Variants in REPS2 observed in about 807,000 individuals in gnomAD.
REPS2 encodes the protein ralBP1-associated Eps domain-containing protein 2.
REPS2 carries 23 observed loss-of-function variants against 53.6 expected under a neutral mutation model. The ratio of observed to expected loss-of-function variants is 0.43; its 90% CI spans 0.31 to 0.61. The LOEUF is 0.61. Among genes scored for constraint, REPS2 ranks in the 20% least tolerant of loss-of-function variants. REPS2 has a pLI of 0.11. For synonymous variants in REPS2, 238 were observed against 218.6 expected (o/e 1.09, Z -0.78); for missense variants, 446 against 534.9 (o/e 0.83, Z 1.64).
chrX:17,044,948 A>C (rs1046109282), intron 5 of REPS2, among the ~76,000 whole-genome samples: 3 of 111,075 alleles, frequency 2.7e-5, no homozygotes, highest in African/African-American at 9.9e-5. Context: ...ATTTTTACTG[A>C]GACGGAGTTT....
At chrX:17,078,658 C>T (rs1321826838) in intron 13 of REPS2, among the ~76,000 whole-genome samples, 1 of 112,090 alleles carries the variant, frequency 8.9e-6, no homozygotes, top group Non-Finnish European at 1.9e-5. Context: ...AAAATTAAAA[C>T]AATCTGGGAA....
At chrX:17,130,713 G>T (rs1481571930) in intron 14 of REPS2, among the ~76,000 whole-genome samples, 3 of 62,247 alleles carry the variant, frequency 4.8e-5, no homozygotes, top group African/African-American at 6.3e-5. Context: ...TCTTGAATGA[G>T]TAACACTCAG....
chrX:17,069,830 A>G, intron 10 of REPS2, 110 bp from the exon 11 acceptor site: 1 of 400,568 alleles, frequency 2.5e-6, no homozygotes, highest in Non-Finnish European at 4.1e-6. Flanking sequence ...GTAAGTGATG[A>G]CTAGCGATTC....
At chrX:17,074,251 C>A in intron 12 of REPS2, 92 bp downstream of exon 12, 15 of 832,594 alleles carry the variant, frequency 1.8e-5, no homozygotes, top group Non-Finnish European at 2.7e-5. Flanking sequence ...CCCATGATTT[C>A]CTCTTCCTTT....
chrX:17,105,734 A>G (rs1342438680), intron 14 of REPS2, among the ~76,000 whole-genome samples: 5 of 111,649 alleles, frequency 4.5e-5, no homozygotes, highest in Admixed American at 2.9e-4. Context: ...TCCACATTCC[A>G]TTTCTCTCCC....
At chrX:17,136,049 C>T (rs2063361735) in intron 16 of REPS2, 1 of 112,205 alleles carries the variant, frequency 8.9e-6, no homozygotes, top group African/African-American at 3.2e-5. Flanking sequence ...GAAGAGCCAT[C>T]ACTTGCTTCA....
intron 1 of REPS2, among the ~76,000 whole-genome samples, chrX:16,998,909 G>C (rs766677234): frequency 1.8e-5 from 2 of 112,760 alleles, no homozygotes; most frequent in Non-Finnish European, 3.7e-5. Context: ...AAAATCTGGT[G>C]TGGATGTATC....
At chrX:17,030,169 T>A (rs887983732) in intron 5 of REPS2, among the ~76,000 whole-genome samples, 1 of 112,279 alleles carries the variant, frequency 8.9e-6, no homozygotes. Context: ...AGCTTCTGGC[T>A]ATACCACAGC....
chrX:17,082,164 A>G (rs1238523756), intron 13 of REPS2, among the ~76,000 whole-genome samples: 1 of 112,257 alleles, frequency 8.9e-6, no homozygotes, highest in African/African-American at 3.2e-5. Context: ...CCATGGTGAC[A>G]GTAAAAAGCC....
intron 1 of REPS2, among the ~76,000 whole-genome samples, chrX:16,968,637 G>A (rs1294462556): frequency 2.1e-4 from 21 of 102,149 alleles, no homozygotes; most frequent in African/African-American, 7.2e-4. Context: ...GCGGCTGGCC[G>A]GGCGGGGGGC....
At chrX:17,189,372 G>A in the REPS2 span, among the ~76,000 whole-genome samples, 6 of 107,178 alleles carry the variant, frequency 5.6e-5, no homozygotes, top group South Asian at 8.5e-4. Context: ...TGCAACCTCC[G>A]CCTCCCGGGT....
chrX:17,130,323 G>A (rs2063274997), intron 14 of REPS2, among the ~76,000 whole-genome samples: 1 of 111,683 alleles, frequency 9.0e-6, no homozygotes, highest in African/African-American at 3.3e-5. Flanking sequence ...CCTCACTCCT[G>A]CTTCTCCTGT....
At chrX:17,100,383 C>T (rs1021547557) in intron 13 of REPS2, 11 of 439,497 alleles carry the variant, frequency 2.5e-5, no homozygotes, top group South Asian at 4.4e-5. Flanking sequence ...ATCGGTGCTG[C>T]GCTATTGGCG....
chrX:17,194,296 T>A, the REPS2 span, among the ~76,000 whole-genome samples: 1 of 111,456 alleles, frequency 9.0e-6, no homozygotes. Flanking sequence ...TCTCAATATA[T>A]ATTACTGATC....
At chrX:17,047,703 G>A (rs2061927003) in intron 6 of REPS2, among the ~76,000 whole-genome samples, 1 of 112,692 alleles carries the variant, frequency 8.9e-6, no homozygotes, top group South Asian at 3.6e-4. Flanking sequence ...GAATTTGGGG[G>A]CAACTTGGCC....
chrX:17,043,063 C>T (rs1361451844), intron 5 of REPS2, among the ~76,000 whole-genome samples: 1 of 111,662 alleles, frequency 9.0e-6, no homozygotes, highest in Non-Finnish European at 1.9e-5. Context: ...TCCCAAAGTG[C>T]TGAGATTATG....
chrX:17,164,574 G>C, the REPS2 span, among the ~76,000 whole-genome samples: 13 of 112,055 alleles, frequency 1.2e-4, no homozygotes, highest in African/African-American at 3.9e-4. Flanking sequence ...CCTAACAGCA[G>C]AGTCCTAAAA....
At chrX:17,070,053 A>G in intron 11 of REPS2, 60 bp downstream of exon 11, 1 of 564,795 alleles carries the variant, frequency 1.8e-6, no homozygotes, top group Non-Finnish European at 2.6e-6. Context: ...AAAAAACAGC[A>G]AGTCAGTGAG....
intron 6 of REPS2, among the ~76,000 whole-genome samples, chrX:17,050,197 T>TCC (rs773752476): frequency 4.3e-5 from 2 of 46,165 alleles, no homozygotes; most frequent in African/African-American, 1.3e-4. Context: ...TTTCTTTCTT[T>TCC]TTTTTTTTTT....
Sources: allele counts gnomAD v4.1 joint callset (sites outside exome capture counted in the v4.1 genomes callset), GRCh38; gene constraint gnomAD v4.1.1; transcripts MANE v1.5; gene names NCBI Gene and HGNC (gene_info 2026-07-23, HGNC 2026-07-21).